DRG1: variants seen among roughly 807,000 people sequenced by gnomAD.
The protein encoded by DRG1 is developmentally-regulated GTP-binding protein 1.
Under a neutral mutation model 38.8 loss-of-function variants are expected in DRG1, and 19 were observed. That is an observed-to-expected ratio of 0.49 (90% CI 0.34 to 0.72). The LOEUF (loss-of-function observed/expected upper bound fraction) is 0.72, where lower values mean the gene tolerates loss of function less well. Among genes scored for constraint, DRG1 ranks in the 30% least tolerant of loss-of-function variants. The probability of loss-of-function intolerance (pLI) is 0.01; values close to 1 mark genes in which losing one functional copy is unlikely to be tolerated. For missense variants in DRG1, 299 were observed against 444.8 expected, an observed-to-expected ratio of 0.67 and a Z score of 2.95; for synonymous variants, 167 against 157.5, an observed-to-expected ratio of 1.06 and a Z score of -0.45.
intron 8 of DRG1, among the ~76,000 whole-genome samples, chr22:31,430,502 C>G (rs892440940): frequency 1.8e-4 from 28 of 151,820 alleles, no homozygotes; most frequent in Admixed American, 9.8e-4. Flanking sequence ...CGGGTTCACG[C>G]CATTCTCCTG....
chr22:31,431,575 T>C (rs1304155240), intron 8 of DRG1, among the ~76,000 whole-genome samples: 10 of 152,056 alleles, frequency 6.6e-5, no homozygotes, highest in Admixed American at 2.6e-4. Context: ...AGAGGTAGGA[T>C]TGCTTGAGCC....
chr22:31,416,747 A>G (rs1485043192), intron 4 of DRG1, among the ~76,000 whole-genome samples: 5 of 152,062 alleles, frequency 3.3e-5, no homozygotes, highest in Non-Finnish European at 7.3e-5. Flanking sequence ...TATTAAAAAT[A>G]TAAAAATTAG....
At chr22:31,406,444 A>G (rs1356114268) in intron 3 of DRG1, among the ~76,000 whole-genome samples, 1 of 152,028 alleles carries the variant, frequency 6.6e-6, no homozygotes, top group Non-Finnish European at 1.5e-5. Flanking sequence ...GTGAGCTTTT[A>G]ATTCTCTCTC....
In DRG1 at chr22:31,424,809, C is replaced by CA. The variant is rs1272777899; in HGVS notation, c.713+1399_713+1400insA. Among the ~76,000 whole-genome samples the CA allele has an allele frequency of 2.5e-4, 4 of 15,986 alleles. No individual in the cohort carries two copies. The South Asian group carries it at 0.012, about 50-fold the overall frequency. The allele number at this position is 15,986 out of a possible 152,430, so 10.5% of individuals were successfully genotyped here. A position where few individuals can be genotyped will look rare whatever the true frequency, so the allele number is the denominator to read the frequency against. On this transcript the variant is annotated intron_variant, in intron 6 of 8. Transcript: ENST00000331457. ...GCTGTGCCCGGCACCCGCCCCCCCC[C>CA]CCTTTTTTTTTTTTTTGGAGTCTTG... is the stretch of plus-strand genomic sequence containing the variant.
In DRG1 at chr22:31,434,174, T is replaced by A. The variant is rs1356043322; in HGVS notation, c.*203T>A. The A allele has an allele frequency of 5.6e-6, 3 of 539,150 alleles. No homozygotes were observed. The highest frequency in any genetic ancestry group is 3.8e-5 in the African/African-American group (2 of 52,394). 33.4% of individuals were successfully genotyped at this position (539,150 alleles called of 1,614,324 possible). A position where few individuals can be genotyped will look rare whatever the true frequency, so the allele number is the denominator to read the frequency against. ...CTGCATAAAAGATCTGGTAGGCTGG[T>A]CAGCTACATGCAGCTCATGTGTCAT... is the stretch of plus-strand genomic sequence containing the variant. On this transcript the variant is annotated 3_prime_UTR_variant, in exon 9 of 9. Coordinates refer to ENST00000331457, the MANE Select transcript of DRG1 (RefSeq NM_004147.4).
rs1019001137 is a variant in DRG1 at position 31,402,329 on chromosome 22, A to G, written c.167-700A>G. Reference sequence around the variant, plus strand: ...AAAAGAAAACCCAGTCAGTCATACAATTTACAGAATTTGAAAGACAAAAAA... The same window carrying G: ...AAAAGAAAACCCAGTCAGTCATACAGTTTACAGAATTTGAAAGACAAAAAA... On this transcript the variant is annotated intron_variant, in intron 2 of 8. Coordinates refer to ENST00000331457, the MANE Select transcript of DRG1 (RefSeq NM_004147.4). 7.9e-5 allele frequency among the ~76,000 whole-genome samples: 12 copies of G among 152,194 alleles called. No homozygotes were observed. The East Asian group carries it at 1.5e-3, about 20-fold the overall frequency.
intron 4 of DRG1, among the ~76,000 whole-genome samples, chr22:31,418,230 G>A (rs993743880): frequency 1.3e-5 from 2 of 151,898 alleles, no homozygotes. Context: ...ATCACTTGAG[G>A]CCAGGAGTTC....
chr22:31,426,244 A>G (rs1569051208), intron 6 of DRG1, among the ~76,000 whole-genome samples: 1 of 152,210 alleles, frequency 6.6e-6, no homozygotes, highest in Admixed American at 6.6e-5. Flanking sequence ...ATAAAATGGT[A>G]TAGTACAGCT....
rs1454689607 is a variant in DRG1, at chr22:31,433,969, T to C, written c.1102T>C (p.Ter368ArgextTer93). The change falls in exon 9 of 9, where the codon TGA becomes CGA. Residue 368 changes from the stop codon to arginine (R), a stop_lost. Coordinates refer to ENST00000331457, the MANE Select transcript of DRG1 (RefSeq NM_004147.4). ...DEDVIQIVKK[*>R] is the part of the protein sequence containing the mutation. ...GGATGTCATTCAAATTGTGAAGAAGTGAAACCTTTCCCTTTTCCCATCTGC... is the reference window on the plus strand; with the variant it reads ...GGATGTCATTCAAATTGTGAAGAAGCGAAACCTTTCCCTTTTCCCATCTGC... The C allele has an allele frequency of 2.5e-6, 4 of 1,613,422 alleles. No homozygotes were observed. The highest frequency in any genetic ancestry group is 8.5e-7 in the Non-Finnish European group (1 of 1,179,532).
Position 31,420,411 on chromosome 22 carries a change from A to T in DRG1, c.568A>T (p.Asn190Tyr). ...TAAGAAGAAGGACAAGGGAGGCATTAATCTCACAGCCACTGTAAGTGGGGA... is the reference window on the plus strand; with the variant it reads ...TAAGAAGAAGGACAAGGGAGGCATTTATCTCACAGCCACTGTAAGTGGGGA... ...GFKKKDKGGI[N>Y]LTATCPQSEL... Residue 190 changes from asparagine (N) to tyrosine (Y), a missense_variant, in exon 5 of 9, where the codon AAT becomes TAT. Transcript: ENST00000331457. 1 of 1,614,174 alleles carries T rather than the reference A, an allele frequency of 6.2e-7. No individual in the cohort carries two copies. Among genetic ancestry groups the T allele is most frequent in the Non-Finnish European group, 8.5e-7 (1 of 1,180,034 alleles).
At chr22:31,401,284 T>C (rs1304503367) in intron 2 of DRG1, among the ~76,000 whole-genome samples, 1 of 138,810 alleles carries the variant, frequency 7.2e-6, no homozygotes, top group Non-Finnish European at 1.5e-5. Context: ...AAAGAAGATG[T>C]ACCAAAAAAA....
rs929399866 is a variant in DRG1 at position 31,403,282 on chromosome 22, A to G, written c.342+78A>G. On this transcript the variant is annotated intron_variant, in intron 3 of 8. Coordinates refer to ENST00000331457, the MANE Select transcript of DRG1 (RefSeq NM_004147.4). ...AAGAAGTTTATTGGGAGCTCACTGT[A>G]TGCCAGGCCTGATCTTTGATCTACC... is the stretch of plus-strand genomic sequence containing the variant. 4.9e-6 allele frequency: 7 copies of G among 1,434,302 alleles called. No homozygotes were observed. The African/African-American group carries it at 7.1e-5, about 15-fold the overall frequency. The allele number at this position is 1,434,302 out of a possible 1,614,324, so 88.8% of individuals were successfully genotyped here. A position where few individuals can be genotyped will look rare whatever the true frequency, so the allele number is the denominator to read the frequency against.
rs1302638365 is a variant in DRG1 at position 31,412,958 on chromosome 22, C to CT, written c.412+1880dup. On this transcript the variant is annotated intron_variant, in intron 4 of 8. Coordinates refer to ENST00000331457, the MANE Select transcript of DRG1 (RefSeq NM_004147.4). ...TCTCCCTTTCCTGGTGTGGTAGACT[C>CT]TTTCAGCATGATGACTCATATCTTT... is the stretch of plus-strand genomic sequence containing the variant. Among the ~76,000 whole-genome samples, 3 of 151,840 alleles carry CT rather than the reference C, an allele frequency of 2.0e-5. No individual in the cohort carries two copies. In the East Asian group the frequency reaches 5.8e-4, roughly 29 times the overall value.
At chr22:31,410,010 C>T (rs753997543) in intron 3 of DRG1, among the ~76,000 whole-genome samples, 1 of 151,622 alleles carries the variant, frequency 6.6e-6, no homozygotes, top group South Asian at 2.1e-4. Context: ...AACAAACAAA[C>T]AAAAAATAAT....
intron 8 of DRG1, among the ~76,000 whole-genome samples, chr22:31,428,217 CTT>C (rs59696131): frequency 7.0e-6 from 1 of 143,850 alleles, no homozygotes; most frequent in Non-Finnish European, 1.5e-5. Flanking sequence ...CACAAAGTTT[CTT>C]TTTTTTTTTT....
intron 8 of DRG1, among the ~76,000 whole-genome samples, chr22:31,430,765 C>A (rs1489969789): frequency 6.6e-6 from 1 of 152,080 alleles, no homozygotes; most frequent in Non-Finnish European, 1.5e-5. Flanking sequence ...GTCTCCCAGG[C>A]TGGAGTGCGG....
intron 8 of DRG1, among the ~76,000 whole-genome samples, chr22:31,428,846 TTGAAA>T (rs1228081670): frequency 4.6e-5 from 7 of 152,160 alleles, no homozygotes; most frequent in Admixed American, 4.6e-4. Flanking sequence ...TCTCTCATGA[TTGAAA>T]TGAGATTATG....
chr22:31,423,157 C>A, intron 5 of DRG1, 123 bp from the exon 6 acceptor site: 1 of 1,228,528 alleles, frequency 8.1e-7, no homozygotes, highest in Non-Finnish European at 1.1e-6. Context: ...ACACTCATCC[C>A]GGATGTATTT....
intron 2 of DRG1, among the ~76,000 whole-genome samples, chr22:31,401,677 A>G (rs554240172): frequency 1.3e-5 from 2 of 151,498 alleles, no homozygotes; most frequent in East Asian, 3.9e-4. Context: ...GACTGCTTGA[A>G]CCCAGGAGGT....
Sources: allele counts gnomAD v4.1 joint callset (sites outside exome capture counted in the v4.1 genomes callset), GRCh38; gene constraint gnomAD v4.1.1; transcripts MANE v1.5; gene names NCBI Gene and HGNC (gene_info 2026-07-23, HGNC 2026-07-21).